The following ABCA13 variants were observed in gnomAD, a reference collection of about 807,000 sequenced individuals.
ABCA13 encodes the protein ATP binding cassette subfamily A member 13.
Under a neutral mutation model 478.7 loss-of-function variants are expected in ABCA13, and 476 were observed. The ratio of observed to expected loss-of-function variants is 0.99; its 90% confidence interval spans 0.92 to 1.07. The LOEUF (loss-of-function observed/expected upper bound fraction) is 1.07. ABCA13 is among the 50% of genes least tolerant of loss of function. The probability of loss-of-function intolerance (pLI) is 0.00; values close to 1 mark genes in which losing one functional copy is unlikely to be tolerated. For missense variants in ABCA13, 6,060 were observed against 5,910.6 expected (o/e 1.03, Z -0.83); for synonymous variants, 2,252 against 2,158.9 (o/e 1.04, Z -1.20).
chr7:48,259,781 A>G (rs1793927964), intron 15 of ABCA13, among the ~76,000 whole-genome samples: 1 of 151,466 alleles, frequency 6.6e-6, no homozygotes, highest in Admixed American at 6.6e-5. Flanking sequence ...TCCCTTAAGT[A>G]TTTCTTTTGA....
chr7:48,488,467 A>C (rs1007995926), intron 47 of ABCA13, among the ~76,000 whole-genome samples: 1 of 152,160 alleles, frequency 6.6e-6, no homozygotes, highest in Non-Finnish European at 1.5e-5. Flanking sequence ...CCCAAGCCTT[A>C]ACTTGCTGTG....
At chr7:48,350,612 T>G (rs771222842) in intron 29 of ABCA13, 31 bp from the exon 30 acceptor site, 22 of 1,546,850 alleles carry the variant, frequency 1.4e-5, no homozygotes, top group Non-Finnish European at 1.8e-5. Context: ...ATACAGAAGT[T>G]GATGTGTCCT....
At chr7:48,528,637 G>A (rs1833032372) in intron 55 of ABCA13, among the ~76,000 whole-genome samples, 1 of 152,120 alleles carries the variant, frequency 6.6e-6, no homozygotes, top group Non-Finnish European at 1.5e-5. Flanking sequence ...CCTCTCTGCA[G>A]ATGGAACTCA....
At chr7:48,229,196 A>G (rs1788691290) in intron 6 of ABCA13, among the ~76,000 whole-genome samples, 1 of 152,180 alleles carries the variant, frequency 6.6e-6, no homozygotes, top group Non-Finnish European at 1.5e-5. Flanking sequence ...TGCATTTTCT[A>G]ATCTACAAAT....
chr7:48,415,154 T>C (rs62447273), intron 41 of ABCA13, among the ~76,000 whole-genome samples: 29,552 of 151,998 alleles, frequency 0.19, 3,236 homozygotes, highest in East Asian at 0.23. Context: ...CACTATCTTC[T>C]TAAATGTGAA....
chr7:48,282,464 TGAATCGAA>T, intron 19 of ABCA13, among the ~76,000 whole-genome samples: 1 of 151,922 alleles, frequency 6.6e-6, no homozygotes, highest in East Asian at 1.9e-4. Context: ...TTTGACAACA[TGAATCGAA>T]GCCCAGAAGA....
intron 50 of ABCA13, 59 bp from the exon 51 acceptor site, chr7:48,511,025 G>T: frequency 7.4e-7 from 1 of 1,343,184 alleles, no homozygotes; most frequent in South Asian, 1.2e-5. Context: ...ATAAGTAGAT[G>T]ATAATAAATA....
intron 55 of ABCA13, among the ~76,000 whole-genome samples, chr7:48,559,730 G>GT (rs1486876732): frequency 6.6e-6 from 1 of 152,140 alleles, no homozygotes; most frequent in Non-Finnish European, 1.5e-5. Flanking sequence ...GGACTCAAAA[G>GT]TTCTTTCGTC....
intron 27 of ABCA13, 111 bp downstream of exon 27, chr7:48,317,407 C>T: frequency 8.2e-7 from 1 of 1,215,060 alleles, no homozygotes; most frequent in African/African-American, 1.6e-5. Context: ...GTAGAAGGCT[C>T]TTGTTTTGAA....
Position 48,568,271 on chromosome 7 carries a change from C to T in ABCA13, c.14355-11953C>T, listed in dbSNP as rs571076836. ...GAAATTCCATATAAATAGGTTCATA[C>T]AATAACTTCCTTTTATCTCAAATTC... On this transcript the variant is annotated intron_variant, in intron 55 of 61. Transcript: ENST00000435803. Among the ~76,000 whole-genome samples the T allele has an allele frequency of 2.6e-5, 4 of 152,188 alleles. No individual in the cohort carries two copies. In the South Asian group the frequency reaches 6.2e-4, roughly 24 times the overall value.
intron 59 of ABCA13, among the ~76,000 whole-genome samples, chr7:48,640,132 C>T (rs901767209): frequency 6.6e-6 from 1 of 151,974 alleles, no homozygotes; most frequent in Admixed American, 6.6e-5. Context: ...TATATAATAG[C>T]CATTTTCTCT....
chr7:48,273,973 A>C lies in ABCA13; in HGVS notation c.4307A>C (p.Lys1436Thr). 1.2e-6 allele frequency: 2 copies of C among 1,610,080 alleles called. No homozygotes were observed. Among genetic ancestry groups the C allele is most frequent in the Non-Finnish European group, 1.7e-6 (2 of 1,177,562 alleles). ...DIENKMNSILKIVTWVLNIKK... is the reference protein window; with the variant it reads ...DIENKMNSILTIVTWVLNIKK... ...GAAAACAAAATGAACTCTATATTAA[A>C]AATTGTAACTTGGGTGTTAAATATA... The change falls in exon 17 of 62, where the codon AAA becomes ACA. Residue 1436 changes from lysine (K) to threonine (T), a missense_variant. Transcript: ENST00000435803.
intron 3 of ABCA13, among the ~76,000 whole-genome samples, chr7:48,208,273 T>G (rs575109171): frequency 3.9e-5 from 6 of 152,148 alleles, no homozygotes; most frequent in African/African-American, 1.4e-4. Context: ...TTGGCTATTT[T>G]AGGTCTTTGT....
At chr7:48,540,222 G>A (rs990977453) in intron 55 of ABCA13, among the ~76,000 whole-genome samples, 1 of 152,026 alleles carries the variant, frequency 6.6e-6, no homozygotes, top group Non-Finnish European at 1.5e-5. Flanking sequence ...ACAAGTACAT[G>A]TAGACAAAAG....
intron 45 of ABCA13, among the ~76,000 whole-genome samples, chr7:48,477,842 T>G (rs981476118): frequency 6.6e-6 from 1 of 151,990 alleles, no homozygotes; most frequent in South Asian, 2.1e-4. Flanking sequence ...TATACATATG[T>G]AACAAACCTG....
intron 19 of ABCA13, among the ~76,000 whole-genome samples, chr7:48,283,145 G>T (rs1159107566): frequency 6.6e-6 from 1 of 152,070 alleles, no homozygotes; most frequent in Admixed American, 6.6e-5. Flanking sequence ...CCAGGAAGGG[G>T]CACAGTGGAC....
intron 3 of ABCA13, among the ~76,000 whole-genome samples, chr7:48,207,442 CA>C (rs1482641837): frequency 6.6e-6 from 1 of 152,016 alleles, no homozygotes; most frequent in African/African-American, 2.4e-5. Flanking sequence ...TCCTTTTTCC[CA>C]ACCCCTCACT....
intron 31 of ABCA13, among the ~76,000 whole-genome samples, chr7:48,353,912 G>A (rs1443743513): frequency 6.6e-6 from 1 of 152,018 alleles, no homozygotes; most frequent in Non-Finnish European, 1.5e-5. Context: ...TTTGTAAAAT[G>A]ATAGCTTTTC....
chr7:48,459,625 T>C (rs964404886), intron 43 of ABCA13, among the ~76,000 whole-genome samples: 1 of 152,218 alleles, frequency 6.6e-6, no homozygotes, highest in African/African-American at 2.4e-5. Context: ...CGGGAGATTC[T>C]TGCCTTTCTT....
Sources: gnomAD v4.1 joint callset for allele counts (sites outside exome capture counted in the v4.1 genomes callset) on GRCh38, gnomAD v4.1.1 for gene constraint, MANE v1.5 for transcripts, NCBI Gene and HGNC (gene_info 2026-07-23, HGNC 2026-07-21) for gene names.